Variants in TNKS observed in about 807,000 individuals in gnomAD.
TNKS encodes the protein tankyrase, also known as poly [ADP-ribose] polymerase tankyrase-1.
A neutral mutation model predicts 135.8 loss-of-function variants in TNKS; 72 were observed. That is an observed-to-expected ratio of 0.53 (90% CI 0.44 to 0.64). The LOEUF (loss-of-function observed/expected upper bound fraction) is 0.64. Ranked by LOEUF, TNKS falls within the 30% of genes least tolerant of loss-of-function variation. The pLI, the probability that TNKS is intolerant of heterozygous loss-of-function variation, is 0.00. For synonymous variants in TNKS, 849 were observed against 649.3 expected (o/e 1.31, Z -4.68); for missense variants, 1,769 against 1,674.0 (o/e 1.06, Z -0.99).
chr8:9,710,233 C>A lies in TNKS; in HGVS notation c.1749+13C>A. ...GCATGGCGCCAAGGTGAGGCACACA[C>A]CTGAGCAGAGTGCCAGACTCAGCAC... On this transcript the variant is annotated intron_variant, in intron 11 of 26. Coordinates refer to ENST00000310430, the MANE Select transcript of TNKS (RefSeq NM_003747.3). 6.2e-7 allele frequency: 1 copy of A among 1,613,544 alleles called. No homozygotes were observed. The highest frequency in any genetic ancestry group is 1.1e-5 in the South Asian group (1 of 91,058).
chr8:9,615,441 T>G, intron 2 of TNKS, 141 bp from the exon 3 acceptor site: 1 of 592,462 alleles, frequency 1.7e-6, no homozygotes, highest in East Asian at 3.2e-5. Flanking sequence ...AGTGCTTTTT[T>G]GCTTTTTTTC....
intron 2 of TNKS, among the ~76,000 whole-genome samples, chr8:9,583,970 C>A (rs186779046): frequency 1.5e-4 from 22 of 151,612 alleles, no homozygotes; most frequent in Middle Eastern, 3.4e-3. Context: ...TGAGACCATC[C>A]TGGCTAACAC....
chr8:9,614,244 C>T (rs1799560181), intron 2 of TNKS, among the ~76,000 whole-genome samples: 1 of 152,214 alleles, frequency 6.6e-6, no homozygotes, highest in African/African-American at 2.4e-5. Context: ...TTTTATTCTA[C>T]TGACTCTTGA....
At chr8:9,655,423 C>T (rs994285823) in intron 3 of TNKS, among the ~76,000 whole-genome samples, 27 of 152,158 alleles carry the variant, frequency 1.8e-4, no homozygotes, top group South Asian at 2.1e-4. Context: ...GCTTGAGATC[C>T]GAGAACGGGC....
At chr8:9,587,542 G>A (rs1798431901) in intron 2 of TNKS, among the ~76,000 whole-genome samples, 1 of 152,078 alleles carries the variant, frequency 6.6e-6, no homozygotes, top group African/African-American at 2.4e-5. Flanking sequence ...TGGGACTGCA[G>A]GCTCTGCCAC....
At chr8:9,720,046 T>A (rs980903690) in intron 11 of TNKS, among the ~76,000 whole-genome samples, 1 of 152,202 alleles carries the variant, frequency 6.6e-6, no homozygotes, top group Non-Finnish European at 1.5e-5. Flanking sequence ...ATCCTCATTG[T>A]GGCAAGCAGT....
chr8:9,598,421 T>C (rs1230435945), intron 2 of TNKS, among the ~76,000 whole-genome samples: 2 of 152,126 alleles, frequency 1.3e-5, no homozygotes, highest in African/African-American at 4.8e-5. Flanking sequence ...ACAGGTTTAA[T>C]CCTGTTTTCC....
intron 5 of TNKS, among the ~76,000 whole-genome samples, chr8:9,697,393 A>G (rs1315927742): frequency 6.6e-6 from 1 of 152,212 alleles, no homozygotes; most frequent in South Asian, 2.1e-4. Context: ...CAGCCTTAGC[A>G]GAGAATTTTT....
In TNKS at chr8:9,696,690, C is replaced by G. The variant is rs1398071606; in HGVS notation, c.1108-7973C>G. Among the ~76,000 whole-genome samples, 4 of 152,208 alleles carry G rather than the reference C, an allele frequency of 2.6e-5. No individual in the cohort carries two copies. The East Asian group carries it at 7.7e-4, about 29-fold the overall frequency. On this transcript the variant is annotated intron_variant, in intron 5 of 26. Transcript: ENST00000310430. The stretch of plus-strand genomic sequence containing the variant: ...CTGAGAGTCAAATCAAGATCTCAAT[C>G]CCATTTACAGTAGCCACAAATAAAA...
chr8:9,609,681 G>T (rs1585226558), intron 2 of TNKS, among the ~76,000 whole-genome samples: 1 of 152,210 alleles, frequency 6.6e-6, no homozygotes, highest in Admixed American at 6.5e-5. Flanking sequence ...GATTTTAGAA[G>T]TTGTGTTTTT....
intron 1 of TNKS, among the ~76,000 whole-genome samples, chr8:9,579,440 C>T (rs971027688): frequency 2.6e-5 from 4 of 152,022 alleles, no homozygotes; most frequent in Non-Finnish European, 4.4e-5. Context: ...GTCTTAGATT[C>T]GGTTATCAGC....
chr8:9,579,069 C>A (rs1281193034), intron 1 of TNKS, among the ~76,000 whole-genome samples: 1 of 152,126 alleles, frequency 6.6e-6, no homozygotes, highest in African/African-American at 2.4e-5. Flanking sequence ...GTATTTCTTA[C>A]CTTTCTAAGT....
intron 16 of TNKS, 72 bp from the exon 17 acceptor site, chr8:9,735,305 C>T (rs567357240): frequency 2.2e-6 from 3 of 1,387,870 alleles, no homozygotes; most frequent in Admixed American, 3.7e-5. Context: ...ATTTTCTGGT[C>T]CTTATTACAT....
chr8:9,603,787 T>C (rs1799110003), intron 2 of TNKS, among the ~76,000 whole-genome samples: 1 of 152,132 alleles, frequency 6.6e-6, no homozygotes, highest in African/African-American at 2.4e-5. Context: ...ATGTTTATCT[T>C]ATGTTCTCAA....
At chr8:9,712,872 A>G (rs1396136445) in intron 11 of TNKS, among the ~76,000 whole-genome samples, 1 of 152,234 alleles carries the variant, frequency 6.6e-6, no homozygotes, top group East Asian at 1.9e-4. Flanking sequence ...CCTGGGTGAC[A>G]GAGCAGTACT....
intron 26 of TNKS, among the ~76,000 whole-genome samples, chr8:9,775,646 G>C (rs1031357117): frequency 1.3e-5 from 2 of 151,076 alleles, no homozygotes; most frequent in African/African-American, 4.9e-5. Context: ...CCTATTCTAA[G>C]ACTTTTGCAT....
At chr8:9,672,849 G>A (rs897063247) in intron 3 of TNKS, among the ~76,000 whole-genome samples, 1 of 151,966 alleles carries the variant, frequency 6.6e-6, no homozygotes, top group East Asian at 1.9e-4. Context: ...GCCATGCTTA[G>A]AGAGTTCCCT....
At chr8:9,757,263 C>A (rs1042413308) in intron 20 of TNKS, among the ~76,000 whole-genome samples, 1 of 152,190 alleles carries the variant, frequency 6.6e-6, no homozygotes, top group Non-Finnish European at 1.5e-5. Flanking sequence ...GCATGAGCCA[C>A]CACACCTGGC....
At chr8:9,656,544 G>T (rs570845570) in intron 3 of TNKS, among the ~76,000 whole-genome samples, 1 of 151,928 alleles carries the variant, frequency 6.6e-6, no homozygotes, top group Non-Finnish European at 1.5e-5. Context: ...CTGATCTCTC[G>T]GCAGAAACTC....
Sources: allele counts gnomAD v4.1 joint callset (sites outside exome capture counted in the v4.1 genomes callset), GRCh38; gene constraint gnomAD v4.1.1; transcripts MANE v1.5; gene names NCBI Gene and HGNC (gene_info 2026-07-23, HGNC 2026-07-21).